Variants in PRMT1 observed in about 807,000 individuals in gnomAD.
PRMT1 encodes the protein protein arginine methyltransferase 1.
A neutral mutation model predicts 47.4 loss-of-function variants in PRMT1; 5 were observed. That is an observed-to-expected ratio of 0.11 (90% CI 0.06 to 0.22). The LOEUF (loss-of-function observed/expected upper bound fraction) is 0.22. PRMT1 is among the 10% of genes least tolerant of loss of function. The pLI is 1.00. For missense variants in PRMT1, 249 were observed against 518.4 expected, an observed-to-expected ratio of 0.48 and a Z score of 5.05; for synonymous variants, 227 against 204.6, an observed-to-expected ratio of 1.11 and a Z score of -0.94.
chr19:49,677,368 T>A, intron 1 of PRMT1, 52 bp downstream of exon 1: 1 of 1,353,698 alleles, frequency 7.4e-7, no homozygotes. Flanking sequence ...GGTCGGTGTT[T>A]CACGCCTCTG....
intron 1 of PRMT1, among the ~76,000 whole-genome samples, chr19:49,678,999 T>C (rs2082077134): frequency 6.6e-6 from 1 of 151,948 alleles, no homozygotes; most frequent in Non-Finnish European, 1.5e-5. Flanking sequence ...TTCTCCTGCT[T>C]CAGCCTCCTG....
intron 10 of PRMT1, among the ~76,000 whole-genome samples, chr19:49,686,957 T>C (rs1416292932): frequency 6.6e-6 from 1 of 151,918 alleles, no homozygotes; most frequent in Non-Finnish European, 1.5e-5. Flanking sequence ...TCACCGGAAG[T>C]TATGGGCCTG....
rs1283773332 is a variant in PRMT1, at chr19:49,685,103, T to A, written c.759+66T>A. 1 of 1,606,464 alleles carries A rather than the reference T, an allele frequency of 6.2e-7. No individual in the cohort carries two copies. Among genetic ancestry groups the A allele is most frequent in the Admixed American group, 1.7e-5 (1 of 58,258 alleles). On this transcript the variant is annotated intron_variant, in intron 8 of 10. Coordinates refer to ENST00000454376, the MANE Select transcript of PRMT1 (RefSeq NM_001536.6). This position sits in a 1 kb window ranked among gnomAD's most constrained non-coding sequence, Gnocchi z 4.7. ...CCAAAGAGAGGCCATCACCTGGCCC[T>A]GGCATGGGACTTTGGGGCCCAGAAT...
upstream of PRMT1, chr19:49,677,152 A>G (rs900437702): frequency 3.5e-6 from 3 of 869,306 alleles, no homozygotes; most frequent in Admixed American, 3.5e-5. Flanking sequence ...GGCCGCCTCC[A>G]TTGCCAATGA....
chr19:49,684,747 T>C lies in PRMT1; in HGVS notation c.556-7T>C. 1 of 1,552,112 alleles carries C rather than the reference T, an allele frequency of 6.4e-7. No individual in the cohort carries two copies. Among genetic ancestry groups the C allele is most frequent in the Non-Finnish European group, 8.7e-7 (1 of 1,147,684 alleles). On this transcript the variant is annotated splice_polypyrimidine_tract_variant and splice_region_variant and intron_variant, in intron 6 of 10. Transcript: ENST00000454376. This position sits in a 1 kb window ranked among gnomAD's most constrained non-coding sequence, Gnocchi z 6.2. ...CACCCTTCATGCCTCGCCCTGCCCCTCTGTAGGCGCCCGATGGCCTCATCT... is the reference window on the plus strand; with the variant it reads ...CACCCTTCATGCCTCGCCCTGCCCCCCTGTAGGCGCCCGATGGCCTCATCT...
At chr19:49,682,397 GC>G in intron 5 of PRMT1, 138 bp downstream of exon 5, 7 of 894,504 alleles carry the variant, frequency 7.8e-6, no homozygotes, top group Non-Finnish European at 1.2e-5. Context: ...TGGGCTGCCG[GC>G]CGCCTGAGAA....
intron 9 of PRMT1, 40 bp from the exon 10 acceptor site, chr19:49,686,565 G>GGCA (rs776151512): frequency 1.5e-5 from 22 of 1,505,214 alleles, no homozygotes; most frequent in Middle Eastern, 4.8e-4. Flanking sequence ...GGTTGGGGGG[G>GGCA]GCAGCAGGCC....
Position 49,686,655 on chromosome 19 carries a change from G to A in PRMT1, c.961G>A (p.Asp321Asn), listed in dbSNP as rs1323536313. Residue 321 changes from aspartate (D) to asparagine (N), a missense_variant, in exon 10 of 11, where the codon GAC (aspartate) becomes AAC (asparagine). By Grantham distance (23) the Asp-to-Asn change is conservative. Coordinates refer to ENST00000454376, the MANE Select transcript of PRMT1 (RefSeq NM_001536.6). ...GAAGCAGACGGTGTTCTACATGGAG[G>A]ACTACCTGACCGTGAAGACGGGCGA... The part of the protein sequence containing the change: ...HWKQTVFYME[D>N]YLTVKTGEEI... The A allele has an allele frequency of 1.2e-6, 2 of 1,612,494 alleles. No individual in the cohort carries two copies. Among genetic ancestry groups the A allele is most frequent in the African/African-American group, 1.3e-5 (1 of 74,858 alleles).
At position 49,684,207 on chromosome 19, in the gene PRMT1, C is replaced by A. The variant is rs1374989922; in HGVS notation, c.555+138C>A. On this transcript the variant is annotated intron_variant, in intron 6 of 10. Coordinates refer to ENST00000454376, the MANE Select transcript of PRMT1 (RefSeq NM_001536.6). The surrounding 1 kb of genome is among the most constrained non-coding windows in gnomAD (Gnocchi z 6.2). ...AGGTGTTAGAAAGCCACAGCCCAAG[C>A]CAGGTGTGACAGACCCTGGAGGGAG... The A allele has an allele frequency of 3.3e-6, 4 of 1,221,118 alleles. No homozygotes were observed. Among genetic ancestry groups the A allele is most frequent in the Non-Finnish European group, 4.6e-6 (4 of 867,622 alleles). The allele number at this position is 1,221,118 out of a possible 1,614,324, so 75.6% of individuals were successfully genotyped here. A position where few individuals can be genotyped will look rare whatever the true frequency, so the allele number is the denominator to read the frequency against.
Position 49,680,264 on chromosome 19 carries a change from G to C in PRMT1, c.91-223G>C. ...GTAGGCGTGGCTGAGGTATCGGGGT[G>C]CTCCCCTGGATGGTGCTCTGGGGGG... On this transcript the variant is annotated intron_variant, in intron 2 of 10. Transcript: ENST00000454376. The surrounding 1 kb of genome is among the most constrained non-coding windows in gnomAD (Gnocchi z 4.2). 6.5e-7 allele frequency: 1 copy of C among 1,545,440 alleles called. No individual in the cohort carries two copies.
At position 49,685,505 on chromosome 19, in the gene PRMT1, G is replaced by A; in HGVS notation, c.759+468G>A. The A allele has an allele frequency of 9.8e-7, 1 of 1,015,816 alleles. No individual in the cohort carries two copies. The highest frequency in any genetic ancestry group is 1.2e-6 in the Non-Finnish European group (1 of 848,556). The allele number at this position is 1,015,816 out of a possible 1,614,324, so 62.9% of individuals were successfully genotyped here. A position where few individuals can be genotyped will look rare whatever the true frequency, so the allele number is the denominator to read the frequency against. On this transcript the variant is annotated intron_variant, in intron 8 of 10. Transcript: ENST00000454376. The surrounding 1 kb of genome is among the most constrained non-coding windows in gnomAD (Gnocchi z 4.7). ...AGCTTTGGTGACAATGTTTTGTTTT[G>A]TTTTTTCCTTTTGTTTTTTTTTACT...
At position 49,677,426 on chromosome 19, in the gene PRMT1, C is replaced by T. The variant is rs541376271; in HGVS notation, c.36+110C>T. ...TGGCGATATGGGGTTGGAGGTCCCC[C>T]GCCGCACACGGGGGCGCCGCACGTT... On this transcript the variant is annotated intron_variant, in intron 1 of 10. Transcript: ENST00000454376. 1.5e-4 allele frequency: 145 copies of T among 946,192 alleles called. No individual in the cohort carries two copies. In the East Asian group the frequency reaches 4.3e-3, roughly 28 times the overall value. 58.6% of individuals were successfully genotyped at this position (946,192 alleles called of 1,614,324 possible). A position where few individuals can be genotyped will look rare whatever the true frequency, so the allele number is the denominator to read the frequency against.
chr19:49,679,267 C>G (rs2082080653), intron 1 of PRMT1, among the ~76,000 whole-genome samples: 1 of 152,104 alleles, frequency 6.6e-6, no homozygotes, highest in African/African-American at 2.4e-5. Context: ...GGCAGAGGGT[C>G]ATAAGGGAGG....
chr19:49,684,590 G>T lies in PRMT1; in HGVS notation c.556-164G>T, dbSNP rs1053364218. Among the ~76,000 whole-genome samples, 8 of 152,200 alleles carry T rather than the reference G, an allele frequency of 5.3e-5. No homozygotes were observed. The highest frequency in any genetic ancestry group is 1.9e-4 in the African/African-American group (8 of 41,436). Reference sequence around the variant, plus strand: ...CGGGAGCTGACTGGGGTGCCCCTGGGTGCCCTCTGGCGGCCGTGTGGGAAA... The same window carrying T: ...CGGGAGCTGACTGGGGTGCCCCTGGTTGCCCTCTGGCGGCCGTGTGGGAAA... On this transcript the variant is annotated intron_variant, in intron 6 of 10. Transcript: ENST00000454376. This position sits in a 1 kb window ranked among gnomAD's most constrained non-coding sequence, Gnocchi z 6.2.
Position 49,685,319 on chromosome 19 carries a change from C to A in PRMT1, c.759+282C>A. The A allele has an allele frequency of 7.4e-7, 1 of 1,357,220 alleles. No homozygotes were observed. The highest frequency in any genetic ancestry group is 9.5e-7 in the Non-Finnish European group (1 of 1,048,528). 84.1% of individuals were successfully genotyped at this position (1,357,220 alleles called of 1,614,324 possible). A position where few individuals can be genotyped will look rare whatever the true frequency, so the allele number is the denominator to read the frequency against. On this transcript the variant is annotated intron_variant, in intron 8 of 10. Transcript: ENST00000454376. This position sits in a 1 kb window ranked among gnomAD's most constrained non-coding sequence, Gnocchi z 4.7. ...ACAGCCCATGCACGGAAAGGCAGGA[C>A]CCCAGGGCGATGAGCGGATGCACAT...
chr19:49,685,417 G>A lies in PRMT1; in HGVS notation c.759+380G>A, dbSNP rs2082190266. 4.2e-6 allele frequency: 5 copies of A among 1,197,120 alleles called. No individual in the cohort carries two copies. The highest frequency in any genetic ancestry group is 5.2e-6 in the Non-Finnish European group (5 of 952,658). 74.2% of individuals were successfully genotyped at this position (1,197,120 alleles called of 1,614,324 possible). ...ATGTGCCTGAGGTCCCAGCTACTCGGGAGGATCACTTGGGCCTGGGAGTTC... is the reference window on the plus strand; with the variant it reads ...ATGTGCCTGAGGTCCCAGCTACTCGAGAGGATCACTTGGGCCTGGGAGTTC... On this transcript the variant is annotated intron_variant, in intron 8 of 10. Transcript: ENST00000454376. This position sits in a 1 kb window ranked among gnomAD's most constrained non-coding sequence, Gnocchi z 4.7.
At chr19:49,682,402 C>T (rs1328479080) in intron 5 of PRMT1, 143 bp downstream of exon 5, 2 of 813,868 alleles carry the variant, frequency 2.5e-6, no homozygotes, top group Non-Finnish European at 4.0e-6. Context: ...TGCCGGCCGC[C>T]TGAGAATCTG....
Position 49,688,288 on chromosome 19 carries a change from TC to T in PRMT1, c.*45del. 1.3e-6 allele frequency: 2 copies of T among 1,597,066 alleles called. No individual in the cohort carries two copies. Among genetic ancestry groups the T allele is most frequent in the Non-Finnish European group, 1.7e-6 (2 of 1,166,668 alleles). On this transcript the variant is annotated 3_prime_UTR_variant, in exon 11 of 11. Coordinates refer to ENST00000454376, the MANE Select transcript of PRMT1 (RefSeq NM_001536.6). This position sits in a 1 kb window ranked among gnomAD's most constrained non-coding sequence, Gnocchi z 5.3. Reference sequence around the variant, plus strand: ...CTGCACGAGCCCAGGGGCTGAGCGTTCCTAGGCGGTTTCGGGGCTCCCCCTT... The same window carrying T: ...CTGCACGAGCCCAGGGGCTGAGCGTTCTAGGCGGTTTCGGGGCTCCCCCTT...
chr19:49,687,270 G>A (rs1374881903), intron 10 of PRMT1, among the ~76,000 whole-genome samples: 2 of 152,164 alleles, frequency 1.3e-5, no homozygotes, highest in African/African-American at 4.8e-5. Flanking sequence ...GGGAGCTGGG[G>A]GGGCTTCTCG....
Sources: gnomAD v4.1 joint callset for allele counts (sites outside exome capture counted in the v4.1 genomes callset) on GRCh38, gnomAD v4.1.1 for gene constraint, Gnocchi (gnomAD v3.1) non-coding constraint, MANE v1.5 for transcripts, NCBI Gene and HGNC (gene_info 2026-07-23, HGNC 2026-07-21) for gene names.